CFAP58: variants seen among roughly 807,000 people sequenced by gnomAD.
The protein encoded by CFAP58 is cilia- and flagella-associated protein 58.
Under a neutral mutation model 119.5 loss-of-function variants are expected in CFAP58, and 88 were observed. The observed-to-expected ratio is 0.74, with a 90% CI of 0.62 to 0.88. The LOEUF (loss-of-function observed/expected upper bound fraction) is 0.88, where lower values mean the gene tolerates loss of function less well. Ranked by LOEUF, CFAP58 falls within the 40% of genes least tolerant of loss-of-function variation. The pLI is 0.00. For missense variants in CFAP58, 990 were observed against 1,021.2 expected (o/e 0.97, Z 0.42); for synonymous variants, 365 against 366.3 (o/e 1.00, Z 0.04).
intron 15 of CFAP58, among the ~76,000 whole-genome samples, chr10:104,427,059 C>A (rs761678881): frequency 6.6e-6 from 1 of 152,066 alleles, no homozygotes; most frequent in Non-Finnish European, 1.5e-5. Flanking sequence ...TGTTACAATG[C>A]CCAAGGAGAT....
intron 15 of CFAP58, among the ~76,000 whole-genome samples, chr10:104,438,039 T>A (rs2012962636): frequency 6.6e-6 from 1 of 152,080 alleles, no homozygotes; most frequent in Admixed American, 6.6e-5. Context: ...GGGGAGAAAA[T>A]AACTCAACCT....
intron 15 of CFAP58, among the ~76,000 whole-genome samples, chr10:104,413,706 A>ACATCATCATCAT (rs199893413): frequency 1.3e-4 from 19 of 143,864 alleles, no homozygotes; most frequent in East Asian, 1.2e-3. Flanking sequence ...GGGTATCATT[A>ACATCATCATCAT]CATCATCATC....
chr10:104,341,237 T>C, the CFAP58 span, among the ~76,000 whole-genome samples: 1 of 151,880 alleles, frequency 6.6e-6, no homozygotes, highest in Non-Finnish European at 1.5e-5. Context: ...AATTAAAATA[T>C]TCTTTATATT....
rs180706040 is a variant in CFAP58 at position 104,357,785 on chromosome 10, T to G, written c.10-556T>G. On this transcript the variant is annotated intron_variant, in intron 1 of 17. Transcript: ENST00000369704. The stretch of plus-strand genomic sequence containing the variant: ...TGTGTATGTGTGTATATATGTGTGT[T>G]TATATACATATATATACACACATAT... 2.2e-3 allele frequency among the ~76,000 whole-genome samples: 314 copies of G among 145,156 alleles called. 8 individuals are homozygous for G. Among genetic ancestry groups the G allele is most frequent in the African/African-American group, 7.8e-3 (278 of 35,544 alleles).
Position 104,392,251 on chromosome 10 carries a change from G to A in CFAP58, c.1384G>A (p.Asp462Asn), listed in dbSNP as rs920100049. The stretch of plus-strand genomic sequence containing the variant: ...CCTCCAGGTCCTTATGAACATGGAA[G>A]ACATAAAAGTTCGTGAAACACAGAT... ...LTQKVLMNME[D>N]IKVRETQIFD... The change falls in exon 10 of 18, where the codon GAC (aspartate) becomes AAC (asparagine). Residue 462 changes from aspartate (D) to asparagine (N), a missense_variant. Transcript: ENST00000369704. 1 of 1,610,792 alleles carries A rather than the reference G, an allele frequency of 6.2e-7. No homozygotes were observed.
At chr10:104,349,483 C>G (rs556473667), upstream of CFAP58, among the ~76,000 whole-genome samples, 3 of 152,104 alleles carry the variant, frequency 2.0e-5, no homozygotes, top group Non-Finnish European at 2.9e-5. Flanking sequence ...GTAAGGATAC[C>G]AGTCTGATCG....
chr10:104,365,650 A>G lies in CFAP58; in HGVS notation c.598-164A>G, dbSNP rs1006459284. On this transcript the variant is annotated intron_variant, in intron 4 of 17. Transcript: ENST00000369704. ...GAAACAGTATAGAATATTCCTGAAA[A>G]GTTTGAACACTGGGGCTCAAGGATG... is the stretch of plus-strand genomic sequence containing the variant. Among the ~76,000 whole-genome samples, 7 of 152,090 alleles carry G rather than the reference A, an allele frequency of 4.6e-5. No individual in the cohort carries two copies. In the East Asian group the frequency reaches 1.4e-3, roughly 29 times the overall value.
At position 104,354,001 on chromosome 10, in the gene CFAP58, TC is replaced by T. The variant is rs934232385; in HGVS notation, c.9+101del. 6.7e-5 allele frequency: 99 copies of T among 1,474,396 alleles called. No individual in the cohort carries two copies. The African/African-American group carries it at 1.3e-3, about 19-fold the overall frequency. 91.3% of individuals were successfully genotyped at this position (1,474,396 alleles called of 1,614,324 possible). On this transcript the variant is annotated intron_variant, in intron 1 of 17. Coordinates refer to ENST00000369704, the MANE Select transcript of CFAP58 (RefSeq NM_001008723.2). The stretch of plus-strand genomic sequence containing the variant: ...TGTCACAAACGGTGATTCCAATATT[TC>T]CCCCCATCAACATCTTATTCCCCTG...
In CFAP58 at chr10:104,380,374, T is replaced by C. The variant is rs2011764285; in HGVS notation, c.1365+154T>C. ...GGAACGATGTGGACAAAATATAAGC[T>C]GTTTCCGAGCTGATTCTGGGCCACA... On this transcript the variant is annotated intron_variant, in intron 9 of 17. Coordinates refer to ENST00000369704, the MANE Select transcript of CFAP58 (RefSeq NM_001008723.2). 2.0e-5 allele frequency among the ~76,000 whole-genome samples: 3 copies of C among 152,216 alleles called. 1 individual carries two copies. In the South Asian group the frequency reaches 6.2e-4, roughly 31 times the overall value.
At chr10:104,368,350 G>A (rs1372090440) in intron 5 of CFAP58, 73 bp from the exon 6 acceptor site, 2 of 1,489,184 alleles carry the variant, frequency 1.3e-6, no homozygotes, top group Non-Finnish European at 1.8e-6. Context: ...AGGTTTGTGG[G>A]GCCCCCTGTG....
Position 104,395,264 on chromosome 10 carries a change from A to G in CFAP58, c.1674+1789A>G, listed in dbSNP as rs146199120. 7.3e-3 allele frequency among the ~76,000 whole-genome samples: 1,109 copies of G among 152,354 alleles called. 11 individuals carry two copies. The highest frequency in any genetic ancestry group is 0.056 in the South Asian group (272 of 4,830). ...ATCATAATACAATAAAATACAGGGC[A>G]ATAAAGTCCTGTATCATTTGGACCT... On this transcript the variant is annotated intron_variant, in intron 11 of 17. Coordinates refer to ENST00000369704, the MANE Select transcript of CFAP58 (RefSeq NM_001008723.2).
chr10:104,411,512 T>A (rs2012460189), intron 15 of CFAP58, among the ~76,000 whole-genome samples: 1 of 152,162 alleles, frequency 6.6e-6, no homozygotes, highest in Admixed American at 6.5e-5. Context: ...CTTTTTGTGT[T>A]TTGTGATTTT....
Position 104,400,818 on chromosome 10 carries a change from A to G in CFAP58, c.1954A>G (p.Met652Val). ...CCAGTACAACCAGAGGTTGGAGGACATGAGAATCCTCAGACTTGAGATCAA... is the reference window on the plus strand; with the variant it reads ...CCAGTACAACCAGAGGTTGGAGGACGTGAGAATCCTCAGACTTGAGATCAA... ...ESQYNQRLEDMRILRLEIKKL... is the reference protein window; with the variant it reads ...ESQYNQRLEDVRILRLEIKKL... The change falls in exon 13 of 18, where the codon ATG becomes GTG. Residue 652 changes from methionine to valine, a missense_variant. Met to Val is a conservative substitution (Grantham distance 21). Coordinates refer to ENST00000369704, the MANE Select transcript of CFAP58 (RefSeq NM_001008723.2). 1.9e-6 allele frequency: 3 copies of G among 1,614,236 alleles called. No individual in the cohort carries two copies. The highest frequency in any genetic ancestry group is 2.5e-6 in the Non-Finnish European group (3 of 1,180,046).
chr10:104,370,895 G>A lies in CFAP58; in HGVS notation c.931G>A (p.Ala311Thr). ...ENQQKALELK[A>T]KEEEVHQMRL... The stretch of plus-strand genomic sequence containing the variant: ...ATTAATTCTTTCTCACTAATTACAG[G>A]CCAAAGAGGAAGAAGTCCATCAAAT... The change falls in exon 7 of 18, where the codon GCC (alanine) becomes ACC (threonine). Residue 311 changes from alanine (A) to threonine (T), a missense_variant and splice_region_variant. Ala to Thr is a moderately conservative substitution (Grantham distance 58, BLOSUM62 0). Transcript: ENST00000369704. The A allele has an allele frequency of 6.2e-7, 1 of 1,610,366 alleles. No homozygotes were observed. Among genetic ancestry groups the A allele is most frequent in the South Asian group, 1.1e-5 (1 of 90,330 alleles).
chr10:104,422,797 C>T (rs954993036), intron 15 of CFAP58, among the ~76,000 whole-genome samples: 1 of 152,184 alleles, frequency 6.6e-6, no homozygotes, highest in Non-Finnish European at 1.5e-5. Flanking sequence ...TTACCAATGT[C>T]CCATTAGCCA....
rs1390858313 is a variant in CFAP58 at position 104,377,205 on chromosome 10, T to C, written c.1173+312T>C. Among the ~76,000 whole-genome samples the C allele has an allele frequency of 2.0e-5, 3 of 152,226 alleles. No individual in the cohort carries two copies. The East Asian group carries it at 5.8e-4, about 29-fold the overall frequency. On this transcript the variant is annotated intron_variant, in intron 8 of 17. Coordinates refer to ENST00000369704, the MANE Select transcript of CFAP58 (RefSeq NM_001008723.2). ...GTGCTATTTGGCATCCTAAGCAGTT[T>C]ATCAACATTTCTGAATTTAATATCT...
At chr10:104,408,591 T>A (rs903938580) in intron 15 of CFAP58, among the ~76,000 whole-genome samples, 3 of 152,214 alleles carry the variant, frequency 2.0e-5, no homozygotes, top group Non-Finnish European at 4.4e-5. Context: ...CACCACTTTG[T>A]TAGTTTTAAA....
chr10:104,353,925 T>G lies in CFAP58; in HGVS notation c.9+19T>G. On this transcript the variant is annotated intron_variant, in intron 1 of 17. Coordinates refer to ENST00000369704, the MANE Select transcript of CFAP58 (RefSeq NM_001008723.2). Reference sequence around the variant, plus strand: ...GGCTGAGGTCAGGAGTCAGCGCCCCTCTGTCGCCTTTCCCTTGACCCCTCC... The same window carrying G: ...GGCTGAGGTCAGGAGTCAGCGCCCCGCTGTCGCCTTTCCCTTGACCCCTCC... 6.2e-7 allele frequency: 1 copy of G among 1,613,252 alleles called. No individual in the cohort carries two copies. The highest frequency in any genetic ancestry group is 2.2e-5 in the East Asian group (1 of 44,854).
Position 104,393,426 on chromosome 10 carries a change from A to G in CFAP58, c.1625A>G (p.Lys542Arg), listed in dbSNP as rs1444544377. Reference sequence around the variant, plus strand: ...TCTGCCAAAGAGTCCGCACTTGTGAAGCTGCACCTGGAACAGCAGCGAATA... The same window carrying G: ...TCTGCCAAAGAGTCCGCACTTGTGAGGCTGCACCTGGAACAGCAGCGAATA... ...DISAKESALV[K>R]LHLEQQRIEK... The change falls in exon 11 of 18, where the codon AAG becomes AGG. Residue 542 changes from lysine (K) to arginine (R), a missense_variant. Coordinates refer to ENST00000369704, the MANE Select transcript of CFAP58 (RefSeq NM_001008723.2). The G allele has an allele frequency of 6.2e-7, 1 of 1,613,958 alleles. No homozygotes were observed. The highest frequency in any genetic ancestry group is 8.5e-7 in the Non-Finnish European group (1 of 1,179,970).
Sources: gnomAD v4.1 joint callset for allele counts (sites outside exome capture counted in the v4.1 genomes callset) on GRCh38, gnomAD v4.1.1 for gene constraint, MANE v1.5 for transcripts, NCBI Gene and HGNC (gene_info 2026-07-23, HGNC 2026-07-21) for gene names.